CNOT2: variants seen among roughly 807,000 people sequenced by gnomAD.
CNOT2 encodes CCR4-NOT transcription complex subunit 2.
CNOT2 carries 7 observed loss-of-function variants against 72.1 expected under a neutral mutation model. That is an observed-to-expected ratio of 0.10 (90% CI 0.06 to 0.18). The LOEUF is 0.18. Among genes scored for constraint, CNOT2 ranks in the 10% least tolerant of loss-of-function variants. The pLI is 1.00. For missense variants in CNOT2, 345 were observed against 660.3 expected (o/e 0.52, Z 5.23); for synonymous variants, 196 against 225.6 (o/e 0.87, Z 1.17).
At chr12:70,277,479 T>C (rs1869041612) in intron 1 of CNOT2, among the ~76,000 whole-genome samples, 1 of 152,156 alleles carries the variant, frequency 6.6e-6, no homozygotes, top group African/African-American at 2.4e-5. Flanking sequence ...TGTAAAAAAG[T>C]GAATTCCCTA....
intron 2 of CNOT2, among the ~76,000 whole-genome samples, chr12:70,304,350 T>G (rs901110514): frequency 7.2e-5 from 11 of 152,224 alleles, no homozygotes; most frequent in African/African-American, 2.7e-4. Flanking sequence ...CCTTTGGTCT[T>G]TGATGATGGT....
Position 70,321,312 on chromosome 12 carries a change from A to G in CNOT2, c.238+1948A>G, listed in dbSNP as rs17107976. ...TAGAAGCTATAACTAGTGGAAAAAG[A>G]AAGAGTCTAGGTTGCCAATTTCTAT... is the stretch of plus-strand genomic sequence containing the variant. On this transcript the variant is annotated intron_variant, in intron 4 of 15. Coordinates refer to ENST00000229195, the MANE Select transcript of CNOT2 (RefSeq NM_014515.7). 9.9e-5 allele frequency among the ~76,000 whole-genome samples: 15 copies of G among 151,986 alleles called. No individual in the cohort carries two copies. In the East Asian group the frequency reaches 2.3e-3, roughly 24 times the overall value.
At chr12:70,284,174 G>C (rs1042547843) in intron 2 of CNOT2, among the ~76,000 whole-genome samples, 1 of 151,784 alleles carries the variant, frequency 6.6e-6, no homozygotes, top group African/African-American at 2.4e-5. Context: ...TCGAACTCCT[G>C]ACCTGAGGTG....
intron 15 of CNOT2, among the ~76,000 whole-genome samples, chr12:70,350,778 A>G (rs902269779): frequency 6.6e-6 from 1 of 152,208 alleles, no homozygotes; most frequent in African/African-American, 2.4e-5. Flanking sequence ...TAAATATTCC[A>G]AAATCCAAAC....
chr12:70,311,856 TG>T (rs1426885927), intron 3 of CNOT2, among the ~76,000 whole-genome samples: 1 of 151,958 alleles, frequency 6.6e-6, no homozygotes, highest in East Asian at 1.9e-4. Context: ...TTTATACTGA[TG>T]TTTGAAGCAT....
chr12:70,325,510 G>A (rs189691423), intron 4 of CNOT2, among the ~76,000 whole-genome samples: 40 of 151,952 alleles, frequency 2.6e-4, no homozygotes, highest in East Asian at 1.9e-3. Flanking sequence ...TGTCTTTAAT[G>A]CCTCATTACT....
intron 15 of CNOT2, among the ~76,000 whole-genome samples, chr12:70,352,247 C>T (rs1385877401): frequency 0.054 from 4 of 74 alleles, no homozygotes; most frequent in African/African-American, 0.14. Flanking sequence ...CTAGGTGTGC[C>T]GCTTACTGAT....
chr12:70,353,463 A>T lies in CNOT2; in HGVS notation c.1537-366A>T, dbSNP rs140234074. Among the ~76,000 whole-genome samples, 50 of 152,266 alleles carry T rather than the reference A, an allele frequency of 3.3e-4. No individual in the cohort carries two copies. The East Asian group carries it at 9.5e-3, about 29-fold the overall frequency. ...ATGGACAAAATCTTTAGGTTTTTAT[A>T]CTTCGTTGAAGGGGGCTTTATTTTA... On this transcript the variant is annotated intron_variant, in intron 15 of 15. Transcript: ENST00000229195.
In CNOT2 at chr12:70,306,584, A is replaced by G. The variant is rs144003604; in HGVS notation, c.49-4311A>G. ...GAAACATTGGTTTTGCTACATGCATATATTCTTTCCTGGTAAAAAAAAATC... is the reference window on the plus strand; with the variant it reads ...GAAACATTGGTTTTGCTACATGCATGTATTCTTTCCTGGTAAAAAAAAATC... On this transcript the variant is annotated intron_variant, in intron 2 of 15. Coordinates refer to ENST00000229195, the MANE Select transcript of CNOT2 (RefSeq NM_014515.7). Among the ~76,000 whole-genome samples, 536 of 148,372 alleles carry G rather than the reference A, an allele frequency of 3.6e-3. 3 individuals carry two copies. The highest frequency in any genetic ancestry group is 0.013 in the African/African-American group (521 of 40,320).
chr12:70,344,906 T>G (rs1881970382), intron 14 of CNOT2: 1 of 152,214 alleles, frequency 6.6e-6, no homozygotes, highest in Non-Finnish European at 1.5e-5. Context: ...TCATAAACAT[T>G]ATTACTTATA....
At chr12:70,288,823 C>T (rs974313481) in intron 2 of CNOT2, among the ~76,000 whole-genome samples, 2 of 152,122 alleles carry the variant, frequency 1.3e-5, no homozygotes, top group African/African-American at 4.8e-5. Context: ...ATCTCACTTC[C>T]TAAGGGAAAC....
chr12:70,330,351 A>G lies in CNOT2; in HGVS notation c.451A>G (p.Ile151Val), dbSNP rs1478837531. ...CTCCCAGGTTGGTCAGGGCATTGGAATTCCTAGCAGGACAAATAGCATGAG... is the reference window on the plus strand; with the variant it reads ...CTCCCAGGTTGGTCAGGGCATTGGAGTTCCTAGCAGGACAAATAGCATGAG... ...NHSQVGQGIG[I>V]PSRTNSMSSS... Residue 151 changes from isoleucine (I) to valine (V), a missense_variant, in exon 6 of 16, where the codon ATT (isoleucine) becomes GTT (valine). Physicochemically the swap from Ile to Val is conservative, Grantham distance 29. Coordinates refer to ENST00000229195, the MANE Select transcript of CNOT2 (RefSeq NM_014515.7). 1 of 1,611,568 alleles carries G rather than the reference A, an allele frequency of 6.2e-7. No individual in the cohort carries two copies. The highest frequency in any genetic ancestry group is 1.7e-5 in the Admixed American group (1 of 59,858).
intron 1 of CNOT2, among the ~76,000 whole-genome samples, chr12:70,269,025 G>A (rs73339594): frequency 0.016 from 2,362 of 152,152 alleles, 65 homozygotes; most frequent in African/African-American, 0.054. Flanking sequence ...ACTTTTTCCT[G>A]TATAATTTAT....
At chr12:70,337,240 C>A in intron 8 of CNOT2, 149 bp from the exon 9 acceptor site, 3 of 545,668 alleles carry the variant, frequency 5.5e-6, no homozygotes, top group African/African-American at 1.9e-5. Flanking sequence ...TCATTGTTAC[C>A]CTGGATACTA....
intron 15 of CNOT2, among the ~76,000 whole-genome samples, chr12:70,350,689 A>G (rs1163268701): frequency 2.6e-5 from 4 of 152,208 alleles, no homozygotes; most frequent in Admixed American, 2.0e-4. Flanking sequence ...AGGGTATGTG[A>G]ATAAGGTATA....
chr12:70,311,269 A>G (rs975693900), intron 3 of CNOT2, among the ~76,000 whole-genome samples: 2 of 152,038 alleles, frequency 1.3e-5, no homozygotes, highest in African/African-American at 2.4e-5. Context: ...ACTCAAAGAC[A>G]TGGAGTAAAC....
At position 70,342,140 on chromosome 12, in the gene CNOT2, A is replaced by C; in HGVS notation, c.1212A>C (p.Ala404=). 9 of 1,611,476 alleles carry C rather than the reference A, an allele frequency of 5.6e-6. No individual in the cohort carries two copies. The highest frequency in any genetic ancestry group is 7.6e-6 in the Non-Finnish European group (9 of 1,177,670). ...ACCCCAAATTTGCGTCACCCTGGGC[A>C]TCTTCACCTTGTCGACCTCAAGACA... ...NLYPKFASPW[A]SSPCRPQDID... is the part of the protein sequence containing the mutation. The change falls in exon 12 of 16, where the codon GCA becomes GCC. Residue 404 remains alanine (A), a synonymous_variant. Coordinates refer to ENST00000229195, the MANE Select transcript of CNOT2 (RefSeq NM_014515.7).
At chr12:70,287,691 A>G (rs1871144901) in intron 2 of CNOT2, among the ~76,000 whole-genome samples, 1 of 149,950 alleles carries the variant, frequency 6.7e-6, no homozygotes, top group African/African-American at 2.4e-5. Context: ...ATTCCAATAT[A>G]TCTTATTTCT....
intron 2 of CNOT2, among the ~76,000 whole-genome samples, chr12:70,300,475 C>G (rs1358512873): frequency 2.8e-4 from 43 of 152,190 alleles, no homozygotes; most frequent in East Asian, 1.2e-3. Flanking sequence ...ATTAAATAGG[C>G]AATCCTTTCC....
Sources: allele counts gnomAD v4.1 joint callset (sites outside exome capture counted in the v4.1 genomes callset), GRCh38; gene constraint gnomAD v4.1.1; transcripts MANE v1.5; gene names NCBI Gene and HGNC (gene_info 2026-07-23, HGNC 2026-07-21).